ELOC: variants seen among roughly 807,000 people sequenced by gnomAD.
ELOC encodes elongin-C.
For missense variants in ELOC, 38 were observed against 139.0 expected, an observed-to-expected ratio of 0.27 and a Z score of 3.65; for synonymous variants, 40 against 51.3, an observed-to-expected ratio of 0.78 and a Z score of 0.94.
At chr8:73,947,312 C>T (rs1258669178) in intron 3 of ELOC, among the ~76,000 whole-genome samples, 3 of 151,822 alleles carry the variant, frequency 2.0e-5, no homozygotes, top group East Asian at 1.9e-4. Context: ...GTAAGAGATC[C>T]GGACAGAGAT....
intron 3 of ELOC, among the ~76,000 whole-genome samples, chr8:73,953,570 G>T (rs754614968): frequency 1.3e-5 from 2 of 151,808 alleles, no homozygotes; most frequent in Non-Finnish European, 2.9e-5. Context: ...AGCTGCAGGA[G>T]AATCGCTTGA....
intron 1 of ELOC, among the ~76,000 whole-genome samples, chr8:73,967,487 G>T (rs1429694133): frequency 2.2e-5 from 3 of 137,464 alleles, no homozygotes; most frequent in Non-Finnish European, 4.7e-5. Flanking sequence ...TTTTTTTTGA[G>T]ACAGAGTTTC....
At chr8:73,969,957 T>C (rs1430638284) in intron 1 of ELOC, among the ~76,000 whole-genome samples, 1 of 152,234 alleles carries the variant, frequency 6.6e-6, no homozygotes, top group Non-Finnish European at 1.5e-5. Context: ...ATAAAGAATT[T>C]AGGACAGCAG....
At chr8:73,947,285 C>T (rs1451655974) in intron 3 of ELOC, among the ~76,000 whole-genome samples, 1 of 152,078 alleles carries the variant, frequency 6.6e-6, no homozygotes, top group African/African-American at 2.4e-5. Context: ...CCGCGCCCGG[C>T]CATGATTGGT....
rs1813371244 is a variant in ELOC, at chr8:73,946,209, T to A, written c.*421A>T. 6.5e-6 allele frequency: 1 copy of A among 154,280 alleles called. No homozygotes were observed. The highest frequency in any genetic ancestry group is 1.4e-5 in the Non-Finnish European group (1 of 69,430). The allele number at this position is 154,280 out of a possible 1,614,324, so 9.6% of individuals were successfully genotyped here. A position where few individuals can be genotyped will look rare whatever the true frequency, so the allele number is the denominator to read the frequency against. ...TATAAACATGTTTATAATGCAATTATTTGCATAACTCTAGTAATGCTAATG... is the reference window on the plus strand; with the variant it reads ...TATAAACATGTTTATAATGCAATTAATTGCATAACTCTAGTAATGCTAATG... On this transcript the variant is annotated 3_prime_UTR_variant, in exon 4 of 4. Transcript: ENST00000520242.
chr8:73,952,192 C>A (rs1343868908), intron 3 of ELOC, among the ~76,000 whole-genome samples: 3 of 151,966 alleles, frequency 2.0e-5, no homozygotes, highest in Non-Finnish European at 4.4e-5. Context: ...TCACTTGAGG[C>A]TAGGATTTCG....
intron 3 of ELOC, among the ~76,000 whole-genome samples, chr8:73,950,419 T>G (rs991247070): frequency 2.0e-5 from 3 of 152,190 alleles, no homozygotes; most frequent in Admixed American, 2.0e-4. Flanking sequence ...AAATTATATT[T>G]AAAAGGAAAA....
In ELOC at chr8:73,949,404, T is replaced by C. The variant is rs531939696; in HGVS notation, c.149-2584A>G. On this transcript the variant is annotated intron_variant, in intron 3 of 3. Transcript: ENST00000520242. ...TCAGTGATTTTTCTAAAAGGTGAGA[T>C]TTATATAACATAAAATCAACCATTT... is the stretch of plus-strand genomic sequence containing the variant. Among the ~76,000 whole-genome samples, 5 of 152,316 alleles carry C rather than the reference T, an allele frequency of 3.3e-5. No individual in the cohort carries two copies. The South Asian group carries it at 1.0e-3, about 32-fold the overall frequency.
At position 73,957,606 on chromosome 8, in the gene ELOC, C is replaced by T. The variant is rs529371097; in HGVS notation, c.5-1552G>A. On this transcript the variant is annotated intron_variant, in intron 2 of 3. Coordinates refer to ENST00000520242, the MANE Select transcript of ELOC (RefSeq NM_005648.4). The stretch of plus-strand genomic sequence containing the variant: ...TTAGTATCAAAATCACTCATGTGCT[C>T]CCACTGCCAAAAATGTTTAATTTGA... 9.2e-5 allele frequency among the ~76,000 whole-genome samples: 14 copies of T among 152,164 alleles called. 1 individual carries two copies. The South Asian group carries it at 2.9e-3, about 32-fold the overall frequency.
intron 3 of ELOC, among the ~76,000 whole-genome samples, chr8:73,951,833 G>A (rs1460184223): frequency 6.6e-6 from 1 of 152,128 alleles, no homozygotes; most frequent in Non-Finnish European, 1.5e-5. Flanking sequence ...CTGGCATAAG[G>A]ACAGACATAT....
At chr8:73,964,092 T>TC (rs1814797592) in intron 1 of ELOC, among the ~76,000 whole-genome samples, 1 of 3,158 alleles carries the variant, frequency 3.2e-4, no homozygotes, top group Non-Finnish European at 7.8e-4. Flanking sequence ...AAATTCCGTC[T>TC]CAAAAAAAAA....
chr8:73,963,289 T>A (rs112948050), intron 1 of ELOC, among the ~76,000 whole-genome samples: 1 of 152,212 alleles, frequency 6.6e-6, no homozygotes, highest in Non-Finnish European at 1.5e-5. Context: ...ATCCTTTGAT[T>A]TGAAATATTA....
rs1813338858 is a variant in ELOC, at chr8:73,945,691, C to T, written c.*939G>A. ...GAAGATAATTCATGTAGGATATCTT[C>T]AATGCATTATAATATGATTTTCACT... On this transcript the variant is annotated 3_prime_UTR_variant, in exon 4 of 4. Transcript: ENST00000520242. 6.6e-6 allele frequency: 1 copy of T among 152,092 alleles called. No individual in the cohort carries two copies. The highest frequency in any genetic ancestry group is 2.4e-5 in the African/African-American group (1 of 41,408). 9.4% of individuals were successfully genotyped at this position (152,092 alleles called of 1,614,324 possible).
chr8:73,951,636 A>G (rs1420359857), intron 3 of ELOC, among the ~76,000 whole-genome samples: 1 of 136,886 alleles, frequency 7.3e-6, no homozygotes, highest in African/African-American at 2.8e-5. Flanking sequence ...AAACAAACAA[A>G]CAAAAAACCC....
At chr8:73,947,736 G>A (rs1348501000) in intron 3 of ELOC, among the ~76,000 whole-genome samples, 2 of 151,810 alleles carry the variant, frequency 1.3e-5, no homozygotes, top group African/African-American at 4.8e-5. Context: ...CACCATGTCT[G>A]GATAATTCTT....
intron 2 of ELOC, among the ~76,000 whole-genome samples, chr8:73,958,475 T>C (rs1814358762): frequency 6.6e-6 from 1 of 152,146 alleles, no homozygotes; most frequent in Non-Finnish European, 1.5e-5. Flanking sequence ...GAAAGCAAAT[T>C]TGGTAAAACA....
chr8:73,969,608 T>A (rs1815221420), intron 1 of ELOC: 1 of 152,182 alleles, frequency 6.6e-6, no homozygotes, highest in Non-Finnish European at 1.5e-5. Flanking sequence ...AGCTTTTAAA[T>A]CCTCATCATT....
intron 3 of ELOC, among the ~76,000 whole-genome samples, chr8:73,948,697 T>A (rs1408508112): frequency 6.6e-6 from 1 of 152,212 alleles, no homozygotes; most frequent in African/African-American, 2.4e-5. Context: ...TCACAGCACT[T>A]TGGGAGACCT....
rs1317228613 is a variant in ELOC, at chr8:73,950,695, A to G, written c.149-3875T>C. On this transcript the variant is annotated intron_variant, in intron 3 of 3. Transcript: ENST00000520242. ...AAAGACATGATAGAACAGGAATACA[A>G]GAGTGCTACCTACAAATATCCTTTG... Among the ~76,000 whole-genome samples, 5 of 152,344 alleles carry G rather than the reference A, an allele frequency of 3.3e-5. No homozygotes were observed. In the East Asian group the frequency reaches 7.7e-4, roughly 23 times the overall value.
Sources: allele counts gnomAD v4.1 joint callset (sites outside exome capture counted in the v4.1 genomes callset), GRCh38; gene constraint gnomAD v4.1.1; transcripts MANE v1.5; gene names NCBI Gene and HGNC (gene_info 2026-07-23, HGNC 2026-07-21).